The following THSD7A variants were observed in gnomAD, a reference collection of about 807,000 sequenced individuals.
THSD7A encodes thrombospondin type 1 domain containing 7A, also known as thrombospondin type-1 domain-containing protein 7A.
In THSD7A, 96 loss-of-function variants were observed where a neutral mutation model predicts 231.3. The ratio of observed to expected loss-of-function variants is 0.41; its 90% confidence interval spans 0.35 to 0.49. The LOEUF (loss-of-function observed/expected upper bound fraction) is 0.49. Ranked by LOEUF, THSD7A falls within the 20% of genes least tolerant of loss-of-function variation. The pLI is 0.05. For missense variants in THSD7A, 2,290 were observed against 2,070.2 expected (o/e 1.11, Z -2.06); for synonymous variants, 940 against 743.3 (o/e 1.26, Z -4.30).
intron 2 of THSD7A, among the ~76,000 whole-genome samples, chr7:11,619,853 A>G (rs1490984523): frequency 6.6e-6 from 1 of 152,162 alleles, no homozygotes; most frequent in South Asian, 2.1e-4. Context: ...TTTAACTCTG[A>G]TGCCTCTCTA....
chr7:11,677,615 C>CAAAA (rs1783694804), intron 1 of THSD7A, among the ~76,000 whole-genome samples: 2 of 73,122 alleles, frequency 2.7e-5, no homozygotes, highest in African/African-American at 1.5e-4. Context: ...AAAAAAAAAG[C>CAAAA]AGGGGTTGCA....
Position 11,460,646 on chromosome 7 carries a change from G to A in THSD7A, c.2605+16C>T. The A allele has an allele frequency of 6.3e-7, 1 of 1,591,584 alleles. No individual in the cohort carries two copies. Among genetic ancestry groups the A allele is most frequent in the Non-Finnish European group, 8.6e-7 (1 of 1,167,798 alleles). On this transcript the variant is annotated intron_variant, in intron 11 of 27. Transcript: ENST00000423059. ...AGCGATGCTGGAGAAATGAACTGTG[G>A]AATGGGGCCTCCCACCTCTTGCCTG...
intron 13 of THSD7A, among the ~76,000 whole-genome samples, chr7:11,429,832 G>A (rs2115426955): frequency 6.6e-6 from 1 of 152,250 alleles, no homozygotes; most frequent in East Asian, 1.9e-4. Context: ...TAAGAGACAG[G>A]GAAAAGTTTT....
intron 6 of THSD7A, among the ~76,000 whole-genome samples, chr7:11,516,398 CTAGATGACCT>C (rs1365037145): frequency 6.6e-6 from 1 of 152,198 alleles, no homozygotes; most frequent in African/African-American, 2.4e-5. Context: ...ATTCACGATT[CTAGATGACCT>C]ACTACTGATC....
chr7:11,495,555 T>A (rs1787063342), intron 6 of THSD7A, among the ~76,000 whole-genome samples: 1 of 152,116 alleles, frequency 6.6e-6, no homozygotes, highest in African/African-American at 2.4e-5. Context: ...TAAAATCAAT[T>A]TGAAGATTTT....
chr7:11,744,461 C>T (rs990374136), intron 1 of THSD7A, among the ~76,000 whole-genome samples: 3 of 150,796 alleles, frequency 2.0e-5, no homozygotes, highest in South Asian at 2.1e-4. Flanking sequence ...TTTTATTATA[C>T]GTTAAGTTTT....
chr7:11,756,658 T>C (rs1782686952), intron 1 of THSD7A, among the ~76,000 whole-genome samples: 1 of 152,034 alleles, frequency 6.6e-6, no homozygotes, highest in South Asian at 2.1e-4. Flanking sequence ...TGTGATTAGA[T>C]AGGGCAAGTA....
chr7:11,406,838 TTA>T lies in THSD7A; in HGVS notation c.4062+70_4062+71del. 6 of 1,524,784 alleles carry T rather than the reference TTA, an allele frequency of 3.9e-6. No individual in the cohort carries two copies. The highest frequency in any genetic ancestry group is 1.2e-5 in the South Asian group (1 of 80,314). 94.5% of individuals were successfully genotyped at this position (1,524,784 alleles called of 1,614,324 possible). On this transcript the variant is annotated intron_variant, in intron 21 of 27. Coordinates refer to ENST00000423059, the MANE Select transcript of THSD7A (RefSeq NM_015204.3). The surrounding 1 kb of genome is among the most constrained non-coding windows in gnomAD (Gnocchi z 4.7). ...GAAACATATTTCTAACACATTATTT[TTA>T]TGTTTTTCTGCAGATGAAGTCTCTG... is the stretch of plus-strand genomic sequence containing the variant.
At chr7:11,425,885 C>T (rs1784303767) in intron 15 of THSD7A, among the ~76,000 whole-genome samples, 1 of 151,858 alleles carries the variant, frequency 6.6e-6, no homozygotes, top group South Asian at 2.1e-4. Flanking sequence ...TCTTTTGTGC[C>T]AATTTTAGTG....
At chr7:11,684,640 C>G (rs1482340747) in intron 1 of THSD7A, among the ~76,000 whole-genome samples, 1 of 151,676 alleles carries the variant, frequency 6.6e-6, no homozygotes, top group Non-Finnish European at 1.5e-5. Context: ...TACATTAGTC[C>G]ATACAAAAAA....
chr7:11,793,524 C>A (rs1784023677), intron 1 of THSD7A, among the ~76,000 whole-genome samples: 1 of 149,406 alleles, frequency 6.7e-6, no homozygotes, highest in Non-Finnish European at 1.5e-5. Flanking sequence ...TTTAGAAATA[C>A]AATCTTAGAA....
chr7:11,408,427 C>T (rs554365132), intron 19 of THSD7A, among the ~76,000 whole-genome samples: 11 of 150,510 alleles, frequency 7.3e-5, no homozygotes, highest in South Asian at 2.1e-4. Flanking sequence ...GAACCCAGGA[C>T]GTGGAGGTTG....
At chr7:11,706,527 G>C (rs1780770914) in intron 1 of THSD7A, among the ~76,000 whole-genome samples, 1 of 149,560 alleles carries the variant, frequency 6.7e-6, no homozygotes, top group African/African-American at 2.4e-5. Flanking sequence ...TGTGTTTGTG[G>C]TCTTTAGTAA....
intron 2 of THSD7A, among the ~76,000 whole-genome samples, chr7:11,594,163 C>A (rs1281058186): frequency 6.6e-6 from 1 of 152,178 alleles, no homozygotes; most frequent in Non-Finnish European, 1.5e-5. Flanking sequence ...TTCCTGCCCT[C>A]GAACATCAGA....
chr7:11,739,831 T>A (rs1782045971), intron 1 of THSD7A, among the ~76,000 whole-genome samples: 1 of 151,962 alleles, frequency 6.6e-6, no homozygotes, highest in Admixed American at 6.6e-5. Context: ...AAAGCTTATG[T>A]GCTTCTCTTG....
chr7:11,760,476 G>C (rs1469272597), intron 1 of THSD7A, among the ~76,000 whole-genome samples: 1 of 152,070 alleles, frequency 6.6e-6, no homozygotes, highest in Admixed American at 6.6e-5. Flanking sequence ...TTATGTGAAT[G>C]TTCCTCATTA....
At chr7:11,518,305 G>C (rs1464569691) in intron 6 of THSD7A, among the ~76,000 whole-genome samples, 1 of 152,164 alleles carries the variant, frequency 6.6e-6, no homozygotes, top group African/African-American at 2.4e-5. Flanking sequence ...CAAGGGGAAA[G>C]CTTTTGATTG....
intron 6 of THSD7A, among the ~76,000 whole-genome samples, chr7:11,488,139 T>G (rs537483374): frequency 6.6e-6 from 1 of 152,280 alleles, no homozygotes; most frequent in Admixed American, 6.5e-5. Context: ...GATTGTAATT[T>G]TGAGATTAGA....
At chr7:11,588,081 T>C (rs1325623907) in intron 4 of THSD7A, among the ~76,000 whole-genome samples, 1 of 152,202 alleles carries the variant, frequency 6.6e-6, no homozygotes, top group Non-Finnish European at 1.5e-5. Context: ...AGTGTCTTCT[T>C]ATTAGCTGGG....
Sources: allele counts gnomAD v4.1 joint callset (sites outside exome capture counted in the v4.1 genomes callset), GRCh38; gene constraint gnomAD v4.1.1; non-coding constraint Gnocchi (gnomAD v3.1); transcripts MANE v1.5; gene names NCBI Gene and HGNC (gene_info 2026-07-23, HGNC 2026-07-21).